Variants in DCAF5 observed in about 807,000 individuals in gnomAD.
DCAF5 encodes the protein DDB1 and CUL4 associated factor 5.
A neutral mutation model predicts 80.7 loss-of-function variants in DCAF5; 9 were observed. The observed-to-expected ratio is 0.11, with a 90% CI of 0.07 to 0.19. DCAF5 has a LOEUF of 0.19. DCAF5 is among the 10% of genes least tolerant of loss of function. DCAF5 has a pLI of 1.00. For synonymous variants in DCAF5, 433 were observed against 461.9 expected, an observed-to-expected ratio of 0.94 and a Z score of 0.80; for missense variants, 842 against 1,205.7, an observed-to-expected ratio of 0.70 and a Z score of 4.47.
chr14:69,126,802 G>T (rs963673945), intron 1 of DCAF5, among the ~76,000 whole-genome samples: 1 of 151,950 alleles, frequency 6.6e-6, no homozygotes, highest in African/African-American at 2.4e-5. Flanking sequence ...ACAAAACAAT[G>T]GAGCAAAAAT....
intron 1 of DCAF5, among the ~76,000 whole-genome samples, chr14:69,136,113 CT>C (rs35359938): frequency 8.5e-4 from 107 of 125,280 alleles, no homozygotes; most frequent in Admixed American, 8.9e-4. Flanking sequence ...ATGTGTAAAA[CT>C]TTTTTTTTTT....
At position 69,152,751 on chromosome 14, in the gene DCAF5, G is replaced by A; in HGVS notation, c.214+14C>T. 6.2e-7 allele frequency: 1 copy of A among 1,609,432 alleles called. No homozygotes were observed. Among genetic ancestry groups the A allele is most frequent in the Non-Finnish European group, 8.5e-7 (1 of 1,177,820 alleles). On this transcript the variant is annotated intron_variant, in intron 1 of 8. Coordinates refer to ENST00000341516, the MANE Select transcript of DCAF5 (RefSeq NM_003861.3). The surrounding 1 kb of genome is among the most constrained non-coding windows in gnomAD (Gnocchi z 4.1). ...GTGCGGGGAGGCGCGGGGAGGGGAA[G>A]GGGGTTGATTTACCTGAGACCAGCC...
intron 1 of DCAF5, among the ~76,000 whole-genome samples, chr14:69,133,060 A>G (rs1198208052): frequency 6.6e-6 from 1 of 152,260 alleles, no homozygotes; most frequent in Non-Finnish European, 1.5e-5. Context: ...AACTCAAACA[A>G]CAGCTAACAT....
chr14:69,115,373 A>G (rs1357478856), intron 5 of DCAF5, among the ~76,000 whole-genome samples: 1 of 152,202 alleles, frequency 6.6e-6, no homozygotes, highest in African/African-American at 2.4e-5. Flanking sequence ...TTACTGCCCC[A>G]TGGAGAGAAT....
intron 1 of DCAF5, chr14:69,149,314 C>T (rs565904729): frequency 2.8e-4 from 43 of 152,340 alleles, no homozygotes; most frequent in African/African-American, 9.9e-4. Flanking sequence ...CACAGCGATG[C>T]CCCTTTCTGG....
In DCAF5 at chr14:69,152,576, A is replaced by G; in HGVS notation, c.214+189T>C. ...GTCAACCATTTTAGGTCTTTTTTAT[A>G]GAAGACATCCTCTCCTTCCCCTCCC... is the stretch of plus-strand genomic sequence containing the variant. On this transcript the variant is annotated intron_variant, in intron 1 of 8. Transcript: ENST00000341516. The surrounding 1 kb of genome is among the most constrained non-coding windows in gnomAD (Gnocchi z 4.1). The G allele has an allele frequency of 1.7e-6, 1 of 591,312 alleles. No homozygotes were observed. The highest frequency in any genetic ancestry group is 3.0e-6 in the Non-Finnish European group (1 of 333,052). The allele number at this position is 591,312 out of a possible 1,614,324, so 36.6% of individuals were successfully genotyped here.
In DCAF5 at chr14:69,116,585, C is replaced by T. The variant is rs1451839025; in HGVS notation, c.536-90G>A. 8 of 1,503,070 alleles carry T rather than the reference C, an allele frequency of 5.3e-6. No homozygotes were observed. The African/African-American group carries it at 1.1e-4, about 21-fold the overall frequency. The allele number at this position is 1,503,070 out of a possible 1,614,324, so 93.1% of individuals were successfully genotyped here. ...TCAGGAATGTGAATACAGGTCGGAG[C>T]ACTCTTTAATAACCACTCCAACGGC... is the stretch of plus-strand genomic sequence containing the variant. On this transcript the variant is annotated intron_variant, in intron 4 of 8. Transcript: ENST00000341516.
At chr14:69,067,520 C>T (rs1445207188) in intron 7 of DCAF5, among the ~76,000 whole-genome samples, 2 of 151,450 alleles carry the variant, frequency 1.3e-5, no homozygotes, top group Admixed American at 1.3e-4. Flanking sequence ...ATTTTTTGTA[C>T]TTTTTGTAGA....
chr14:69,082,603 C>T (rs146263681), intron 6 of DCAF5, among the ~76,000 whole-genome samples: 1 of 152,210 alleles, frequency 6.6e-6, no homozygotes, highest in African/African-American at 2.4e-5. Context: ...TTTGGCAAAC[C>T]ATTTTGGAAA....
chr14:69,109,792 A>C (rs1279794114), intron 5 of DCAF5, among the ~76,000 whole-genome samples: 1 of 152,160 alleles, frequency 6.6e-6, no homozygotes, highest in Non-Finnish European at 1.5e-5. Flanking sequence ...ATGTTCCTGT[A>C]CATGTCTTTG....
At chr14:69,067,222 G>T (rs182020990) in intron 7 of DCAF5, among the ~76,000 whole-genome samples, 1 of 151,824 alleles carries the variant, frequency 6.6e-6, no homozygotes. Flanking sequence ...ATGAAAAGAT[G>T]TGAGTGTATT....
intron 7 of DCAF5, among the ~76,000 whole-genome samples, chr14:69,069,984 C>T (rs1331539035): frequency 2.0e-5 from 3 of 152,074 alleles, no homozygotes; most frequent in African/African-American, 7.2e-5. Flanking sequence ...TCACAATAAT[C>T]CTAAGAAAGT....
At chr14:69,095,971 T>C (rs1382403556) in intron 5 of DCAF5, among the ~76,000 whole-genome samples, 1 of 152,142 alleles carries the variant, frequency 6.6e-6, no homozygotes, top group Admixed American at 6.5e-5. Context: ...AAAAGCAAGG[T>C]CCTTTCTATG....
intron 6 of DCAF5, among the ~76,000 whole-genome samples, chr14:69,079,466 C>T (rs941869659): frequency 2.6e-5 from 4 of 152,102 alleles, no homozygotes; most frequent in East Asian, 1.9e-4. Flanking sequence ...TTAGGGAGGG[C>T]GTCTTGCCTC....
chr14:69,123,403 C>T (rs1453217432), intron 1 of DCAF5, among the ~76,000 whole-genome samples: 1 of 152,120 alleles, frequency 6.6e-6, no homozygotes, highest in Non-Finnish European at 1.5e-5. Context: ...TGCTTATACT[C>T]GCATATCTAT....
intron 5 of DCAF5, among the ~76,000 whole-genome samples, chr14:69,106,086 G>A (rs1052707088): frequency 3.3e-5 from 5 of 150,490 alleles, no homozygotes; most frequent in East Asian, 2.0e-4. Context: ...ACGGAGTTTC[G>A]CTTTTTTTGC....
chr14:69,135,035 ATTGG>A (rs1180159040), intron 1 of DCAF5, among the ~76,000 whole-genome samples: 1 of 152,224 alleles, frequency 6.6e-6, no homozygotes, highest in Admixed American at 6.5e-5. Context: ...ACAAGACAGA[ATTGG>A]TTAAATTCTG....
chr14:69,098,911 AAAAAG>A (rs1291659127), intron 5 of DCAF5, among the ~76,000 whole-genome samples: 1 of 119,014 alleles, frequency 8.4e-6, no homozygotes, highest in African/African-American at 3.2e-5. Context: ...AAAAAAAAAA[AAAAAG>A]AAAAGAAAAA....
intron 6 of DCAF5, among the ~76,000 whole-genome samples, chr14:69,088,230 G>C (rs914620413): frequency 6.6e-6 from 1 of 152,098 alleles, no homozygotes; most frequent in Non-Finnish European, 1.5e-5. Flanking sequence ...CAGTGAAAAG[G>C]GGTCTCTATT....
Sources: gnomAD v4.1 joint callset for allele counts (sites outside exome capture counted in the v4.1 genomes callset) on GRCh38, gnomAD v4.1.1 for gene constraint, Gnocchi (gnomAD v3.1) non-coding constraint, MANE v1.5 for transcripts, NCBI Gene and HGNC (gene_info 2026-07-23, HGNC 2026-07-21) for gene names.